METTL16: variants seen among roughly 807,000 people sequenced by gnomAD.
METTL16 encodes the protein RNA N(6)-adenosine-methyltransferase METTL16.
METTL16 carries 19 observed loss-of-function variants against 57.9 expected under a neutral mutation model. That is an observed-to-expected ratio of 0.33 (90% CI 0.23 to 0.48). The LOEUF is 0.48. Ranked by LOEUF, METTL16 falls within the 20% of genes least tolerant of loss-of-function variation. METTL16 has a pLI of 0.99. For synonymous variants in METTL16, 246 were observed against 255.6 expected (o/e 0.96, Z 0.36); for missense variants, 434 against 691.5 (o/e 0.63, Z 4.18).
chr17:2,439,411 C>T (rs1442306346), intron 7 of METTL16, among the ~76,000 whole-genome samples: 1 of 152,148 alleles, frequency 6.6e-6, no homozygotes, highest in Non-Finnish European at 1.5e-5. Context: ...TTTGCCCGGC[C>T]TGGGAGTACT....
At chr17:2,463,587 T>G (rs985664966) in intron 6 of METTL16, among the ~76,000 whole-genome samples, 2 of 151,826 alleles carry the variant, frequency 1.3e-5, no homozygotes, top group African/African-American at 2.4e-5. Context: ...TCAGCCTCCC[T>G]AGTAGCTGGG....
At chr17:2,506,280 G>A (rs924339184) in intron 1 of METTL16, among the ~76,000 whole-genome samples, 9 of 41,940 alleles carry the variant, frequency 2.1e-4, no homozygotes, top group African/African-American at 6.8e-4. Context: ...CTCTCCCCAC[G>A]GTCTCCCTCT....
intron 1 of METTL16, among the ~76,000 whole-genome samples, chr17:2,507,253 C>T (rs1356642451): frequency 2.8e-5 from 4 of 144,984 alleles, no homozygotes; most frequent in Admixed American, 2.0e-4. Context: ...GTGAGGGGCG[C>T]CTCTGCCCGG....
intron 7 of METTL16, among the ~76,000 whole-genome samples, chr17:2,439,117 A>T (rs2066928936): frequency 6.6e-6 from 1 of 151,994 alleles, no homozygotes; most frequent in Non-Finnish European, 1.5e-5. Flanking sequence ...TTTAAAAGAA[A>T]ATTTTTTGGG....
At chr17:2,462,564 C>T (rs2067158200) in intron 6 of METTL16, among the ~76,000 whole-genome samples, 1 of 152,132 alleles carries the variant, frequency 6.6e-6, no homozygotes, top group Non-Finnish European at 1.5e-5. Flanking sequence ...CAGATTTCCC[C>T]TTGCTGTTCT....
At chr17:2,469,253 A>AAAAT (rs931380998) in intron 4 of METTL16, among the ~76,000 whole-genome samples, 1 of 152,096 alleles carries the variant, frequency 6.6e-6, no homozygotes, top group African/African-American at 2.4e-5. Flanking sequence ...ATAAAAAATA[A>AAAAT]AAATAAATAA....
rs536174423 is a variant in METTL16, at chr17:2,445,937, C to G, written c.729-4378G>C. 2.6e-5 allele frequency among the ~76,000 whole-genome samples: 4 copies of G among 151,988 alleles called. No homozygotes were observed. The East Asian group carries it at 7.7e-4, about 29-fold the overall frequency. ...CCAAGGGGCATTTACTACAAGAAGG[C>G]AAGGCTGGTTTAATATTCAAAAATC... On this transcript the variant is annotated intron_variant, in intron 6 of 9. Transcript: ENST00000263092.
chr17:2,428,524 T>C (rs1193839939), intron 8 of METTL16, among the ~76,000 whole-genome samples: 1 of 51,522 alleles, frequency 1.9e-5, no homozygotes, highest in Non-Finnish European at 3.6e-5. Flanking sequence ...CGAGACTCCG[T>C]CTCAAAAAAA....
chr17:2,422,517 C>T (rs1267002079), intron 8 of METTL16, among the ~76,000 whole-genome samples: 3 of 151,864 alleles, frequency 2.0e-5, no homozygotes, highest in African/African-American at 4.8e-5. Context: ...GTACCTGGGA[C>T]TACGTCACCA....
At chr17:2,426,728 CAA>C (rs778818177) in intron 8 of METTL16, among the ~76,000 whole-genome samples, 20 of 35,142 alleles carry the variant, frequency 5.7e-4, no homozygotes, top group East Asian at 1.4e-3. Flanking sequence ...GACTCCGTCT[CAA>C]AAAAAAAAAA....
intron 4 of METTL16, among the ~76,000 whole-genome samples, chr17:2,468,123 C>T (rs1033412755): frequency 6.6e-6 from 1 of 152,240 alleles, no homozygotes; most frequent in Admixed American, 6.5e-5. Context: ...CTAGGAGCCA[C>T]AGGCTATTAC....
In METTL16 at chr17:2,494,796, G is replaced by A. The variant is rs549880048; in HGVS notation, c.128+7408C>T. Among the ~76,000 whole-genome samples the A allele has an allele frequency of 5.9e-5, 9 of 151,960 alleles. No individual in the cohort carries two copies. The South Asian group carries it at 1.7e-3, about 28-fold the overall frequency. On this transcript the variant is annotated intron_variant, in intron 2 of 9. Transcript: ENST00000263092. ...AGGCGAATCATGAGGTCAGGAGATCGAGACCATCCTGGCCAACATGGTGAA... is the reference window on the plus strand; with the variant it reads ...AGGCGAATCATGAGGTCAGGAGATCAAGACCATCCTGGCCAACATGGTGAA...
chr17:2,477,534 T>G, intron 3 of METTL16, 152 bp downstream of exon 3: 1 of 630,368 alleles, frequency 1.6e-6, no homozygotes, highest in Non-Finnish European at 2.8e-6. Context: ...TTTTGAAGCA[T>G]TTCGGATTTT....
At chr17:2,500,641 T>C (rs141439522) in intron 2 of METTL16, among the ~76,000 whole-genome samples, 37 of 152,252 alleles carry the variant, frequency 2.4e-4, no homozygotes, top group African/African-American at 8.7e-4. Context: ...TTCCCATAGC[T>C]GAATCACCAC....
rs548568248 is a variant in METTL16, at chr17:2,498,363, G to A, written c.128+3841C>T. 1.0e-3 allele frequency among the ~76,000 whole-genome samples: 156 copies of A among 151,616 alleles called. 1 individual carries two copies. The highest frequency in any genetic ancestry group is 2.0e-3 in the Admixed American group (31 of 15,262). On this transcript the variant is annotated intron_variant, in intron 2 of 9. Transcript: ENST00000263092. ...GGAGGCAGAGCTTGCGGTGAGCCGA[G>A]ACAGCGCCACTGCACTCCAGCCTGG...
intron 4 of METTL16, among the ~76,000 whole-genome samples, chr17:2,470,100 G>A (rs185764980): frequency 2.0e-5 from 3 of 152,148 alleles, no homozygotes; most frequent in Admixed American, 6.5e-5. Flanking sequence ...ACACTTTATC[G>A]AATATATGTC....
At chr17:2,449,310 T>G (rs921486433) in intron 6 of METTL16, among the ~76,000 whole-genome samples, 1 of 152,176 alleles carries the variant, frequency 6.6e-6, no homozygotes, top group African/African-American at 2.4e-5. Flanking sequence ...CCATACATTT[T>G]CATGAAAATT....
At position 2,419,698 on chromosome 17, in the gene METTL16, C is replaced by T. The variant is rs577974599; in HGVS notation, c.*272G>A. 6 of 619,974 alleles carry T rather than the reference C, an allele frequency of 9.7e-6. No homozygotes were observed. Among genetic ancestry groups the T allele is most frequent in the Non-Finnish European group, 1.8e-5 (6 of 333,010 alleles). 38.4% of individuals were successfully genotyped at this position (619,974 alleles called of 1,614,324 possible). A position where few individuals can be genotyped will look rare whatever the true frequency, so the allele number is the denominator to read the frequency against. On this transcript the variant is annotated 3_prime_UTR_variant, in exon 10 of 10. Coordinates refer to ENST00000263092, the MANE Select transcript of METTL16 (RefSeq NM_024086.4). ...TCCAGAGCTGAGGGGCCAGCTTGAG[C>T]CAGCTTGCAATCCCTCGGGAGTTTA...
intron 2 of METTL16, among the ~76,000 whole-genome samples, chr17:2,489,978 G>A (rs994954317): frequency 1.3e-4 from 20 of 151,954 alleles, no homozygotes; most frequent in Non-Finnish European, 2.2e-4. Flanking sequence ...ATAAGATTAG[G>A]CTGATCTACA....
Sources: gnomAD v4.1 joint callset for allele counts (sites outside exome capture counted in the v4.1 genomes callset) on GRCh38, gnomAD v4.1.1 for gene constraint, MANE v1.5 for transcripts, NCBI Gene and HGNC (gene_info 2026-07-23, HGNC 2026-07-21) for gene names.